The following SNRPN variants were observed in gnomAD, a reference collection of about 807,000 sequenced individuals.
SNRPN encodes the protein small nuclear ribonucleoprotein-associated protein N.
In SNRPN, 7 loss-of-function variants were observed where a neutral mutation model predicts 25.2. That is an observed-to-expected ratio of 0.28 (90% CI 0.16 to 0.52). The LOEUF is 0.52. SNRPN is among the 20% of genes least tolerant of loss of function. The probability of loss-of-function intolerance (pLI) is 0.96; values close to 1 mark genes in which losing one functional copy is unlikely to be tolerated. For missense variants in SNRPN, 196 were observed against 322.5 expected (o/e 0.61, Z 3.00); for synonymous variants, 124 against 110.6 (o/e 1.12, Z -0.76).
At chr15:24,895,689 AC>A (rs752077799) in intron 2 of SNRPN, among the ~76,000 whole-genome samples, 2 of 152,190 alleles carry the variant, frequency 1.3e-5, no homozygotes, top group African/African-American at 2.4e-5. Context: ...TTCTGCCGTT[AC>A]AAAGGTACTC....
chr15:24,834,968 A>AC (rs1566807050), intron 2 of SNRPN, among the ~76,000 whole-genome samples: 94 of 69,792 alleles, frequency 1.3e-3, no homozygotes, highest in Middle Eastern at 8.3e-3. Flanking sequence ...TATATATAGT[A>AC]TATATATCTA....
chr15:24,927,397 C>T (rs1252399180), intron 3 of SNRPN, among the ~76,000 whole-genome samples: 2 of 150,426 alleles, frequency 1.3e-5, no homozygotes, highest in Non-Finnish European at 2.9e-5. Context: ...GTTTTGATTA[C>T]AGGCATGAGC....
intron 3 of SNRPN, among the ~76,000 whole-genome samples, chr15:24,927,762 A>G (rs1422393759): frequency 6.6e-6 from 1 of 152,014 alleles, no homozygotes; most frequent in African/African-American, 2.4e-5. Flanking sequence ...GTCTGCCATA[A>G]TGTTTAATAT....
intron 1 of SNRPN, among the ~76,000 whole-genome samples, chr15:24,882,016 C>G (rs1465330438): frequency 6.6e-6 from 1 of 152,148 alleles, no homozygotes; most frequent in Non-Finnish European, 1.5e-5. Context: ...CCCCGATGCT[C>G]TCAGAGGTAG....
At chr15:24,887,451 C>T (rs1483348166) in intron 2 of SNRPN, among the ~76,000 whole-genome samples, 1 of 151,532 alleles carries the variant, frequency 6.6e-6, no homozygotes, top group Non-Finnish European at 1.5e-5. Flanking sequence ...CCTGGCCTCA[C>T]TGAGGTCTTA....
intron 1 of SNRPN, among the ~76,000 whole-genome samples, chr15:24,885,260 A>G (rs2057093992): frequency 6.6e-6 from 1 of 152,174 alleles, no homozygotes; most frequent in African/African-American, 2.4e-5. Flanking sequence ...AAACATGACT[A>G]TGGGTTGTGA....
In SNRPN at chr15:24,885,687, C is replaced by A. The variant is rs886566106; in HGVS notation, c.-578-829C>A. The stretch of plus-strand genomic sequence containing the variant: ...TGGAGAGAGCAGAGGCTGATGAGAA[C>A]GAAGGATTTTCCAGGAAGGAATCTG... On this transcript the variant is annotated intron_variant, in intron 1 of 11. Coordinates refer to the SNRPN transcript ENST00000400097. 2.0e-5 allele frequency among the ~76,000 whole-genome samples: 3 copies of A among 147,590 alleles called. No individual in the cohort carries two copies. The South Asian group carries it at 6.6e-4, about 32-fold the overall frequency.
At chr15:24,846,616 A>G (rs1402794923) in intron 2 of SNRPN, among the ~76,000 whole-genome samples, 1 of 152,224 alleles carries the variant, frequency 6.6e-6, no homozygotes, top group Non-Finnish European at 1.5e-5. Context: ...GCTGAAAACC[A>G]TGCAAATTAG....
intron 3 of SNRPN, among the ~76,000 whole-genome samples, chr15:24,938,614 G>A (rs1045432530): frequency 1.3e-5 from 2 of 152,152 alleles, no homozygotes; most frequent in Non-Finnish European, 2.9e-5. Flanking sequence ...CCAGAAAGGG[G>A]GCATGCCACA....
chr15:24,877,758 A>G (rs1012870200), intron 1 of SNRPN, among the ~76,000 whole-genome samples: 2 of 152,310 alleles, frequency 1.3e-5, no homozygotes, highest in East Asian at 3.9e-4. Flanking sequence ...AGGTTGGGGC[A>G]GGAGAATCGC....
At chr15:24,880,295 G>A (rs556840120) in intron 1 of SNRPN, among the ~76,000 whole-genome samples, 1 of 152,242 alleles carries the variant, frequency 6.6e-6, no homozygotes, top group South Asian at 2.1e-4. Context: ...CTAAAAGAGG[G>A]GGGTGGTGGT....
In SNRPN at chr15:24,873,015, T is replaced by C. The variant is rs1190732960; in HGVS notation, c.-578-13501T>C. Among the ~76,000 whole-genome samples, 11 of 122,616 alleles carry C rather than the reference T, an allele frequency of 9.0e-5. 3 individuals carry two copies. Among genetic ancestry groups the C allele is most frequent in the African/African-American group, 3.1e-4 (11 of 35,662 alleles). 80.4% of individuals were successfully genotyped at this position (122,616 alleles called of 152,430 possible). A position where few individuals can be genotyped will look rare whatever the true frequency, so the allele number is the denominator to read the frequency against. On this transcript the variant is annotated intron_variant, in intron 1 of 11. Coordinates refer to the SNRPN transcript ENST00000400097. ...ACCTATATCACTGTCCTTATGCCAGTACCACAATGTCCTCATTACTATCAC... is the reference window on the plus strand; with the variant it reads ...ACCTATATCACTGTCCTTATGCCAGCACCACAATGTCCTCATTACTATCAC...
chr15:24,857,845 C>T (rs2053556812), intron 1 of SNRPN, among the ~76,000 whole-genome samples: 1 of 152,082 alleles, frequency 6.6e-6, no homozygotes, highest in South Asian at 2.1e-4. Context: ...ATCAATCTCC[C>T]TGTAGGGGGA....
chr15:24,911,789 T>C (rs886179709), intron 2 of SNRPN, among the ~76,000 whole-genome samples: 13 of 152,210 alleles, frequency 8.5e-5, no homozygotes, highest in Non-Finnish European at 8.8e-5. Context: ...AGCAGAACTA[T>C]TGGGTTGGGG....
chr15:24,830,566 T>C (rs2050434470), intron 2 of SNRPN, among the ~76,000 whole-genome samples: 1 of 152,086 alleles, frequency 6.6e-6, no homozygotes, highest in Non-Finnish European at 1.5e-5. Flanking sequence ...ATATACACAC[T>C]CAATGCTGTA....
chr15:24,945,905 T>C (rs991506228), intron 3 of SNRPN, among the ~76,000 whole-genome samples: 4 of 152,150 alleles, frequency 2.6e-5, no homozygotes, highest in Admixed American at 6.5e-5. Context: ...ATGGTGCATG[T>C]AGGCAAAAGG....
At chr15:24,841,471 G>A (rs2051700437) in intron 2 of SNRPN, among the ~76,000 whole-genome samples, 1 of 152,102 alleles carries the variant, frequency 6.6e-6, no homozygotes, top group South Asian at 2.1e-4. Context: ...ACCTCCCAAT[G>A]TCATCCGTTT....
chr15:24,915,581 A>G (rs2059461154), intron 2 of SNRPN, among the ~76,000 whole-genome samples: 1 of 152,052 alleles, frequency 6.6e-6, no homozygotes, highest in African/African-American at 2.4e-5. Context: ...TCTCCAGTGG[A>G]GCTCTCTTCA....
chr15:24,894,543 A>C (rs897493119), intron 2 of SNRPN, among the ~76,000 whole-genome samples: 2 of 152,202 alleles, frequency 1.3e-5, no homozygotes, highest in Non-Finnish European at 2.9e-5. Flanking sequence ...TTCTTGACAC[A>C]AAATGACAGA....
Sources: gnomAD v4.1 joint callset for allele counts (sites outside exome capture counted in the v4.1 genomes callset) on GRCh38, gnomAD v4.1.1 for gene constraint, MANE v1.5 for transcripts, NCBI Gene and HGNC (gene_info 2026-07-23, HGNC 2026-07-21) for gene names.